Variants in CRYL1 observed in about 807,000 individuals in gnomAD.
CRYL1 encodes lambda-crystallin homolog.
In CRYL1, 29 loss-of-function variants were observed where a neutral mutation model predicts 36.6. The observed-to-expected ratio is 0.79, with a 90% CI of 0.59 to 1.08. The LOEUF is 1.08. CRYL1 is among the 50% of genes least tolerant of loss of function. The pLI, the probability that CRYL1 is intolerant of heterozygous loss-of-function variation, is 0.00. For synonymous variants in CRYL1, 152 were observed against 151.5 expected (o/e 1.00, Z -0.02); for missense variants, 411 against 407.9 (o/e 1.01, Z -0.06).
At chr13:20,443,270 A>C (rs1163837777) in intron 3 of CRYL1, among the ~76,000 whole-genome samples, 1 of 152,172 alleles carries the variant, frequency 6.6e-6, no homozygotes, top group Non-Finnish European at 1.5e-5. Context: ...CTCACTTCTG[A>C]AGTTTAGCCA....
At chr13:20,442,354 T>C (rs2032368945) in intron 3 of CRYL1, among the ~76,000 whole-genome samples, 1 of 152,204 alleles carries the variant, frequency 6.6e-6, no homozygotes, top group South Asian at 2.1e-4. Context: ...CCAATTGTGT[T>C]GGATGTGCTG....
At chr13:20,508,701 T>G (rs1025803459) in intron 2 of CRYL1, among the ~76,000 whole-genome samples, 4 of 151,224 alleles carry the variant, frequency 2.6e-5, no homozygotes, top group Non-Finnish European at 5.9e-5. Context: ...AAAAAAAAAT[T>G]AGCCGGGCGT....
chr13:20,462,841 G>GA (rs1324830758), intron 3 of CRYL1, among the ~76,000 whole-genome samples: 11 of 151,884 alleles, frequency 7.2e-5, no homozygotes, highest in Non-Finnish European at 4.4e-5. Flanking sequence ...ACTTAAATGT[G>GA]AAAAAGCACA....
chr13:20,444,843 A>G (rs1232211813), intron 3 of CRYL1, among the ~76,000 whole-genome samples: 2 of 152,168 alleles, frequency 1.3e-5, no homozygotes, highest in African/African-American at 4.8e-5. Context: ...CAGCCTCCAG[A>G]GTAGCTGGGA....
At chr13:20,509,197 A>C (rs1235824639) in intron 2 of CRYL1, among the ~76,000 whole-genome samples, 37 of 145,812 alleles carry the variant, frequency 2.5e-4, no homozygotes, top group Non-Finnish European at 3.8e-4. Context: ...TCAATCCCCA[A>C]AAAAAAAAAA....
At chr13:20,441,343 A>G (rs1310147639) in intron 3 of CRYL1, among the ~76,000 whole-genome samples, 1 of 152,150 alleles carries the variant, frequency 6.6e-6, no homozygotes, top group Non-Finnish European at 1.5e-5. Context: ...ATCCCTGATG[A>G]TTCCTGTTCC....
intron 3 of CRYL1, among the ~76,000 whole-genome samples, chr13:20,455,313 T>C (rs1334961687): frequency 6.6e-6 from 1 of 152,010 alleles, no homozygotes. Flanking sequence ...ACCATAATCA[T>C]GAATTGGAAA....
intron 4 of CRYL1, 29 bp from the exon 5 acceptor site, chr13:20,432,325 C>T (rs747012002): frequency 6.4e-7 from 1 of 1,566,556 alleles, no homozygotes; most frequent in Non-Finnish European, 8.7e-7. Flanking sequence ...GTGGGGGAGT[C>T]AAGGAGATGA....
chr13:20,488,051 G>A (rs766675449), intron 3 of CRYL1, among the ~76,000 whole-genome samples: 4 of 150,658 alleles, frequency 2.7e-5, no homozygotes, highest in East Asian at 2.0e-4. Context: ...GCAATGAGCC[G>A]AGATCACACC....
intron 2 of CRYL1, among the ~76,000 whole-genome samples, chr13:20,498,609 T>C (rs563378181): frequency 1.3e-5 from 2 of 152,368 alleles, no homozygotes; most frequent in African/African-American, 4.8e-5. Context: ...TTATTAAAAT[T>C]AGCATTAACA....
In CRYL1 at chr13:20,403,900, A is replaced by C; in HGVS notation, c.*229T>G. On this transcript the variant is annotated 3_prime_UTR_variant, in exon 8 of 8. Transcript: ENST00000298248. ...CAGGTTATCTGCCCAGGTGGCAGGAAATCGACAGCCCCGAGAACGCAAGTG... is the reference window on the plus strand; with the variant it reads ...CAGGTTATCTGCCCAGGTGGCAGGACATCGACAGCCCCGAGAACGCAAGTG... The C allele has an allele frequency of 2.7e-6, 1 of 377,202 alleles. No homozygotes were observed. The highest frequency in any genetic ancestry group is 4.7e-6 in the Non-Finnish European group (1 of 211,526). The allele number at this position is 377,202 out of a possible 1,614,324, so 23.4% of individuals were successfully genotyped here.
chr13:20,406,247 T>C (rs770168477), intron 6 of CRYL1: 5 of 152,104 alleles, frequency 3.3e-5, no homozygotes, highest in Non-Finnish European at 7.3e-5. Flanking sequence ...CCATCGGTAC[T>C]AGATACGCTC....
intron 2 of CRYL1, among the ~76,000 whole-genome samples, chr13:20,512,039 C>T (rs1377936891): frequency 2.0e-5 from 3 of 152,226 alleles, no homozygotes; most frequent in African/African-American, 2.4e-5. Flanking sequence ...ACTAGATCAA[C>T]AGGTCAAAAC....
At chr13:20,439,528 A>AG (rs2032306748) in intron 4 of CRYL1, 65 bp downstream of exon 4, 126 of 1,024,944 alleles carry the variant, frequency 1.2e-4, no homozygotes, top group East Asian at 5.1e-4. Context: ...AAAAAAAAAA[A>AG]AAGAAAAAAA....
rs558593276 is a variant in CRYL1 at position 20,497,518 on chromosome 13, A to C, written c.150-8022T>G. ...CACACAGCACACACCACATATACGC[A>C]CTAGACACCACACACCACACACACA... On this transcript the variant is annotated intron_variant, in intron 2 of 7. Coordinates refer to ENST00000298248, the MANE Select transcript of CRYL1 (RefSeq NM_015974.3). Among the ~76,000 whole-genome samples, 679 of 140,232 alleles carry C rather than the reference A, an allele frequency of 4.8e-3. 26 individuals are homozygous for C. The highest frequency in any genetic ancestry group is 6.7e-3 in the Non-Finnish European group (427 of 64,016). The allele number at this position is 140,232 out of a possible 152,430, so 92.0% of individuals were successfully genotyped here.
At chr13:20,427,137 G>T (rs1253851880) in intron 5 of CRYL1, 1 of 985,408 alleles carries the variant, frequency 1.0e-6, no homozygotes, top group Non-Finnish European at 1.2e-6. Context: ...CCTTCATTAT[G>T]CTAATGCCTT....
chr13:20,450,503 G>A (rs1478611439), intron 3 of CRYL1, among the ~76,000 whole-genome samples: 1 of 152,038 alleles, frequency 6.6e-6, no homozygotes, highest in Non-Finnish European at 1.5e-5. Context: ...AAAAAAACTA[G>A]GAAACACCAT....
chr13:20,509,235 T>C (rs117017070), intron 2 of CRYL1, among the ~76,000 whole-genome samples: 2,471 of 121,504 alleles, frequency 0.02, 38 homozygotes, highest in Non-Finnish European at 0.025. Context: ...TGAAAACATC[T>C]TTTTGCCTCA....
intron 3 of CRYL1, among the ~76,000 whole-genome samples, chr13:20,460,671 G>A (rs1435782894): frequency 3.3e-5 from 5 of 150,614 alleles, no homozygotes; most frequent in Non-Finnish European, 5.9e-5. Flanking sequence ...GACTACAGGC[G>A]CCCGCCACTA....
Sources: allele counts gnomAD v4.1 joint callset (sites outside exome capture counted in the v4.1 genomes callset), GRCh38; gene constraint gnomAD v4.1.1; transcripts MANE v1.5; gene names NCBI Gene and HGNC (gene_info 2026-07-23, HGNC 2026-07-21).